SNX1: variants seen among roughly 807,000 people sequenced by gnomAD.
SNX1 encodes sorting nexin 1.
Under a neutral mutation model 71.8 loss-of-function variants are expected in SNX1, and 36 were observed. That is an observed-to-expected ratio of 0.50 (90% CI 0.38 to 0.66). The LOEUF (loss-of-function observed/expected upper bound fraction) is 0.66, where lower values mean the gene tolerates loss of function less well. SNX1 is among the 30% of genes least tolerant of loss of function. The probability of loss-of-function intolerance (pLI) is 0.00; values close to 1 mark genes in which losing one functional copy is unlikely to be tolerated. For synonymous variants in SNX1, 254 were observed against 240.7 expected (o/e 1.06, Z -0.51); for missense variants, 612 against 646.7 (o/e 0.95, Z 0.58).
chr15:64,125,645 C>CA (rs200140122), intron 5 of SNX1, among the ~76,000 whole-genome samples: 47 of 148,812 alleles, frequency 3.2e-4, no homozygotes, highest in African/African-American at 1.0e-3. Context: ...ATCCTGTCTC[C>CA]AAAAAAAAAT....
At chr15:64,096,214 C>T (rs781524888) in intron 1 of SNX1, 42 bp downstream of exon 1, 84 of 1,536,662 alleles carry the variant, frequency 5.5e-5, no homozygotes, top group Non-Finnish European at 6.7e-5. Context: ...GAGGGCACCC[C>T]GAAAGGGAAG....
At position 64,115,999 on chromosome 15, in the gene SNX1, C is replaced by A. The variant is rs1430527320; in HGVS notation, c.272-2118C>A. On this transcript the variant is annotated intron_variant, in intron 2 of 14. Coordinates refer to ENST00000559844, the MANE Select transcript of SNX1 (RefSeq NM_003099.5). Reference sequence around the variant, plus strand: ...ATTATATGTATAGTTAGTCCTCGAACAATGCAGGCGCAGTCAAAAATTTGT... The same window carrying A: ...ATTATATGTATAGTTAGTCCTCGAAAAATGCAGGCGCAGTCAAAAATTTGT... Among the ~76,000 whole-genome samples, 4 of 152,284 alleles carry A rather than the reference C, an allele frequency of 2.6e-5. No homozygotes were observed. In the East Asian group the frequency reaches 7.7e-4, roughly 29 times the overall value.
In SNX1 at chr15:64,105,177, C is replaced by T. The variant is rs180774474; in HGVS notation, c.160-7396C>T. ...TTGAACCCGCGAAGTGGAGGTTGCA[C>T]CACTGCACTCCAGCCTGGGGGATAC... is the stretch of plus-strand genomic sequence containing the variant. On this transcript the variant is annotated intron_variant, in intron 1 of 14. Transcript: ENST00000559844. 1.8e-4 allele frequency among the ~76,000 whole-genome samples: 27 copies of T among 151,168 alleles called. 1 individual carries two copies. The highest frequency in any genetic ancestry group is 1.6e-3 in the Admixed American group (25 of 15,180).
At chr15:64,107,226 T>A (rs1043624782) in intron 1 of SNX1, among the ~76,000 whole-genome samples, 4 of 152,210 alleles carry the variant, frequency 2.6e-5, no homozygotes, top group Non-Finnish European at 5.9e-5. Flanking sequence ...CCAAGAGCCA[T>A]GTTACCTTAC....
In SNX1 at chr15:64,129,659, CG is replaced by C. The variant is rs2081287092; in HGVS notation, c.808-256del. ...ATCTCAATTTGAGGTCACCTGGCCA[CG>C]TAACACCCCAGTCTACTTTTTTTCT... is the stretch of plus-strand genomic sequence containing the variant. On this transcript the variant is annotated intron_variant, in intron 8 of 14. Coordinates refer to ENST00000559844, the MANE Select transcript of SNX1 (RefSeq NM_003099.5). This position sits in a 1 kb window ranked among gnomAD's most constrained non-coding sequence, Gnocchi z 4.4. Among the ~76,000 whole-genome samples the C allele has an allele frequency of 6.6e-6, 1 of 152,188 alleles. No individual in the cohort carries two copies. The highest frequency in any genetic ancestry group is 2.1e-4 in the South Asian group (1 of 4,828).
chr15:64,137,795 A>G lies in SNX1; in HGVS notation c.*177A>G. The G allele has an allele frequency of 2.1e-6, 3 of 1,432,134 alleles. No individual in the cohort carries two copies. Among genetic ancestry groups the G allele is most frequent in the Non-Finnish European group, 2.7e-6 (3 of 1,092,894 alleles). The allele number at this position is 1,432,134 out of a possible 1,614,324, so 88.7% of individuals were successfully genotyped here. On this transcript the variant is annotated 3_prime_UTR_variant, in exon 15 of 15. Transcript: ENST00000559844. ...AACCGTTATTTCATTTAGCTTCCAT[A>G]TATATTTTCTTACCTAAGAGAATAG...
chr15:64,134,942 G>T lies in SNX1; in HGVS notation c.1365+135G>T, dbSNP rs1011254375. On this transcript the variant is annotated intron_variant, in intron 12 of 14. Transcript: ENST00000559844. The surrounding 1 kb of genome is among the most constrained non-coding windows in gnomAD (Gnocchi z 4.1). Reference sequence around the variant, plus strand: ...AGTCTAAAGGGCCGTGGCTGCTGAGGAAGCCTCTGAGAATGACTCCAGGCC... The same window carrying T: ...AGTCTAAAGGGCCGTGGCTGCTGAGTAAGCCTCTGAGAATGACTCCAGGCC... 3 of 1,191,202 alleles carry T rather than the reference G, an allele frequency of 2.5e-6. No individual in the cohort carries two copies. In the African/African-American group the frequency reaches 4.6e-5, roughly 18 times the overall value. 73.8% of individuals were successfully genotyped at this position (1,191,202 alleles called of 1,614,324 possible). A position where few individuals can be genotyped will look rare whatever the true frequency, so the allele number is the denominator to read the frequency against.
chr15:64,106,387 G>C (rs1052077053), intron 1 of SNX1, among the ~76,000 whole-genome samples: 16 of 152,134 alleles, frequency 1.1e-4, no homozygotes, highest in Non-Finnish European at 4.4e-5. Flanking sequence ...AAATCCAGTG[G>C]ACATTGAATG....
chr15:64,102,278 T>A (rs1006576484), intron 1 of SNX1, among the ~76,000 whole-genome samples: 1 of 152,232 alleles, frequency 6.6e-6, no homozygotes, highest in Non-Finnish European at 1.5e-5. Flanking sequence ...TTTATTGATA[T>A]AGTTGTACAT....
At position 64,144,013 on chromosome 15, in the gene SNX1, G is replaced by A. The variant is rs2081440068; in HGVS notation, c.*6395G>A. 6.6e-6 allele frequency: 1 copy of A among 152,052 alleles called. No homozygotes were observed. The highest frequency in any genetic ancestry group is 6.6e-5 in the Admixed American group (1 of 15,262). 9.4% of individuals were successfully genotyped at this position (152,052 alleles called of 1,614,324 possible). On this transcript the variant is annotated 3_prime_UTR_variant, in exon 15 of 15. Transcript: ENST00000559844. This position sits in a 1 kb window ranked among gnomAD's most constrained non-coding sequence, Gnocchi z 4.3. ...TGACAAGGAAAACTCATATTTTTTA[G>A]TGAAAAAAGCAGGTTATAGAATTGC... is the stretch of plus-strand genomic sequence containing the variant.
Position 64,143,858 on chromosome 15 carries a change from T to C in SNX1, c.*6240T>C, listed in dbSNP as rs917718781. The C allele has an allele frequency of 6.6e-6, 1 of 152,228 alleles. No individual in the cohort carries two copies. Among genetic ancestry groups the C allele is most frequent in the African/African-American group, 2.4e-5 (1 of 41,470 alleles). 9.4% of individuals were successfully genotyped at this position (152,228 alleles called of 1,614,324 possible). ...GATGACTAACCAGAAATGCCCGTCA[T>C]AGCACTGTTTACAGTTGCAAAAACT... On this transcript the variant is annotated 3_prime_UTR_variant, in exon 15 of 15. Coordinates refer to ENST00000559844, the MANE Select transcript of SNX1 (RefSeq NM_003099.5).
intron 1 of SNX1, among the ~76,000 whole-genome samples, chr15:64,100,268 T>A (rs1163395185): frequency 6.6e-6 from 1 of 152,170 alleles, no homozygotes; most frequent in Admixed American, 6.5e-5. Flanking sequence ...AAGAGCAGGC[T>A]TACACATGCA....
rs560320123 is a variant in SNX1, at chr15:64,096,010, G to A, written c.-4G>A. 1.7e-5 allele frequency: 27 copies of A among 1,596,142 alleles called. No homozygotes were observed. The Admixed American group carries it at 2.3e-4, about 14-fold the overall frequency. ...GTTGCGGCTTCCGCCGCGGGTGGAA[G>A]AAGATGGCGTCGGGTGGTGGTGGCT... On this transcript the variant is annotated 5_prime_UTR_variant, in exon 1 of 15. Transcript: ENST00000559844.
chr15:64,140,866 T>A lies in SNX1; in HGVS notation c.*3248T>A, dbSNP rs938125319. On this transcript the variant is annotated 3_prime_UTR_variant, in exon 15 of 15. Coordinates refer to ENST00000559844, the MANE Select transcript of SNX1 (RefSeq NM_003099.5). Reference sequence around the variant, plus strand: ...TCCCAAAGTGCTGGGATTACAGGTGTGAGCCACCATACCCAGCCAGAGAAT... The same window carrying A: ...TCCCAAAGTGCTGGGATTACAGGTGAGAGCCACCATACCCAGCCAGAGAAT... The A allele has an allele frequency of 2.6e-5, 4 of 152,204 alleles. No individual in the cohort carries two copies. The highest frequency in any genetic ancestry group is 5.9e-5 in the Non-Finnish European group (4 of 68,044). The allele number at this position is 152,204 out of a possible 1,614,324, so 9.4% of individuals were successfully genotyped here. A position where few individuals can be genotyped will look rare whatever the true frequency, so the allele number is the denominator to read the frequency against.
rs2081423761 is a variant in SNX1 at position 64,142,403 on chromosome 15, G to T, written c.*4785G>T. Reference sequence around the variant, plus strand: ...GGGAGATAGAGTTAAAGGAGGCTTTGTTTTATTTAAAGGTGGGACAAACTT... The same window carrying T: ...GGGAGATAGAGTTAAAGGAGGCTTTTTTTTATTTAAAGGTGGGACAAACTT... On this transcript the variant is annotated 3_prime_UTR_variant, in exon 15 of 15. Coordinates refer to ENST00000559844, the MANE Select transcript of SNX1 (RefSeq NM_003099.5). The T allele has an allele frequency of 3.4e-6, 1 of 291,464 alleles. No individual in the cohort carries two copies. The allele number at this position is 291,464 out of a possible 1,614,324, so 18.1% of individuals were successfully genotyped here.
At chr15:64,109,970 T>C (rs942624921) in intron 1 of SNX1, among the ~76,000 whole-genome samples, 2 of 152,202 alleles carry the variant, frequency 1.3e-5, no homozygotes, top group Non-Finnish European at 2.9e-5. Context: ...TACTTAAGAA[T>C]CTATCCCAAG....
rs2081312296 is a variant in SNX1, at chr15:64,132,001, C to T, written c.1221+109C>T. The T allele has an allele frequency of 5.4e-6, 6 of 1,116,250 alleles. No homozygotes were observed. In the Admixed American group the frequency reaches 1.2e-4, roughly 23 times the overall value. The allele number at this position is 1,116,250 out of a possible 1,614,324, so 69.1% of individuals were successfully genotyped here. On this transcript the variant is annotated intron_variant, in intron 11 of 14. Transcript: ENST00000559844. ...CCCATTATAGCTTGTAAATAGGTGT[C>T]ACTTTTTCTACTTTTAAGAGGAAAG...
At chr15:64,124,147 C>CATAT (rs10523424) in intron 5 of SNX1, among the ~76,000 whole-genome samples, 3,762 of 104,862 alleles carry the variant, frequency 0.036, 185 homozygotes, top group African/African-American at 0.079. Flanking sequence ...GAAATCTTTA[C>CATAT]ATATATATAT....
chr15:64,126,895 C>T (rs1315857386), intron 6 of SNX1, among the ~76,000 whole-genome samples: 5 of 152,106 alleles, frequency 3.3e-5, no homozygotes, highest in Admixed American at 1.3e-4. Flanking sequence ...TCTTCATTAA[C>T]ATCAGTTGAT....
Sources: allele counts gnomAD v4.1 joint callset (sites outside exome capture counted in the v4.1 genomes callset), GRCh38; gene constraint gnomAD v4.1.1; non-coding constraint Gnocchi (gnomAD v3.1); transcripts MANE v1.5; gene names NCBI Gene and HGNC (gene_info 2026-07-23, HGNC 2026-07-21).